The following FGF12 variants were observed in gnomAD, a reference collection of about 807,000 sequenced individuals.
FGF12 encodes the protein fibroblast growth factor 12B.
A neutral mutation model predicts 23.6 loss-of-function variants in FGF12; 14 were observed. The observed-to-expected ratio is 0.59, with a 90% CI of 0.39 to 0.93. FGF12 has a LOEUF of 0.93. Ranked by LOEUF, FGF12 falls within the 40% of genes least tolerant of loss-of-function variation. The probability of loss-of-function intolerance (pLI) is 0.00; values close to 1 mark genes in which losing one functional copy is unlikely to be tolerated. For synonymous variants in FGF12, 62 were observed against 77.3 expected, an observed-to-expected ratio of 0.80 and a Z score of 1.04; for missense variants, 175 against 217.8, an observed-to-expected ratio of 0.80 and a Z score of 1.24.
At chr3:192,696,958 G>A (rs903951142) in intron 2 of FGF12, among the ~76,000 whole-genome samples, 1 of 151,904 alleles carries the variant, frequency 6.6e-6, no homozygotes, top group Non-Finnish European at 1.5e-5. Context: ...ATAAAAACAG[G>A]TGCTTTCTAT....
intron 2 of FGF12, among the ~76,000 whole-genome samples, chr3:192,547,955 A>G (rs887614155): frequency 1.3e-4 from 20 of 152,298 alleles, no homozygotes; most frequent in African/African-American, 4.6e-4. Flanking sequence ...AGGCCTCTGT[A>G]CATTCAGAAT....
intron 4 of FGF12, among the ~76,000 whole-genome samples, chr3:192,180,174 T>C (rs1487120685): frequency 6.6e-6 from 1 of 151,638 alleles, no homozygotes; most frequent in Non-Finnish European, 1.5e-5. Context: ...AGATAAGTGA[T>C]GTGGTAATTT....
At chr3:192,168,265 G>A (rs1229948969) in intron 5 of FGF12, among the ~76,000 whole-genome samples, 2 of 152,072 alleles carry the variant, frequency 1.3e-5, no homozygotes, top group Non-Finnish European at 2.9e-5. Context: ...ATAATTAAGA[G>A]CATAATTCAT....
chr3:192,496,079 C>T (rs1723947091), intron 2 of FGF12, among the ~76,000 whole-genome samples: 1 of 152,152 alleles, frequency 6.6e-6, no homozygotes, highest in South Asian at 2.1e-4. Context: ...CACATGGACT[C>T]CAAAAACCAT....
chr3:192,305,709 T>A (rs1003040024), intron 4 of FGF12, among the ~76,000 whole-genome samples: 2 of 144,578 alleles, frequency 1.4e-5, no homozygotes, highest in Non-Finnish European at 1.5e-5. Flanking sequence ...TATATATAAA[T>A]CCTATGAAAA....
intron 4 of FGF12, among the ~76,000 whole-genome samples, chr3:192,279,049 T>C (rs974114883): frequency 1.3e-5 from 2 of 152,032 alleles, no homozygotes; most frequent in African/African-American, 4.8e-5. Flanking sequence ...TTATATTATA[T>C]TGAGCTGGGA....
At chr3:192,602,534 C>T (rs1306483037) in intron 2 of FGF12, among the ~76,000 whole-genome samples, 1 of 152,088 alleles carries the variant, frequency 6.6e-6, no homozygotes, top group Non-Finnish European at 1.5e-5. Context: ...TGAATTAACG[C>T]TGATAAGAAG....
At chr3:192,364,017 G>A (rs1301984700) in intron 2 of FGF12, among the ~76,000 whole-genome samples, 1 of 152,192 alleles carries the variant, frequency 6.6e-6, no homozygotes, top group African/African-American at 2.4e-5. Context: ...ATGTCACCAA[G>A]GAGCAAGGGA....
At chr3:192,346,677 C>T (rs988856358) in intron 3 of FGF12, among the ~76,000 whole-genome samples, 1 of 152,142 alleles carries the variant, frequency 6.6e-6, no homozygotes, top group Admixed American at 6.6e-5. Flanking sequence ...ATGCATATGG[C>T]AGGCATATGT....
intron 4 of FGF12, among the ~76,000 whole-genome samples, chr3:192,288,757 T>C (rs1168228080): frequency 6.6e-6 from 1 of 152,168 alleles, no homozygotes; most frequent in Admixed American, 6.6e-5. Context: ...TAGTTTGTGC[T>C]GGTTACCAAG....
chr3:192,717,377 A>G (rs1718897659), intron 2 of FGF12, among the ~76,000 whole-genome samples: 1 of 152,314 alleles, frequency 6.6e-6, no homozygotes, highest in South Asian at 2.1e-4. Context: ...ATGAGGCTTA[A>G]GTGAGTCAAT....
chr3:192,143,658 A>G lies in FGF12; in HGVS notation c.*351T>C, dbSNP rs1713533185. The G allele has an allele frequency of 1.1e-5, 2 of 174,588 alleles. No homozygotes were observed. The highest frequency in any genetic ancestry group is 1.2e-4 in the Admixed American group (2 of 16,144). The allele number at this position is 174,588 out of a possible 1,614,324, so 10.8% of individuals were successfully genotyped here. A position where few individuals can be genotyped will look rare whatever the true frequency, so the allele number is the denominator to read the frequency against. On this transcript the variant is annotated 3_prime_UTR_variant, in exon 6 of 6. Coordinates refer to ENST00000445105, the MANE Select transcript of FGF12 (RefSeq NM_004113.6). The stretch of plus-strand genomic sequence containing the variant: ...TTCAATTCTCCAAATCCTTTCCTTT[A>G]AAGTAATAAGTTTATTTCATCTTTA...
chr3:192,272,486 T>G (rs1713510206), intron 4 of FGF12, among the ~76,000 whole-genome samples: 1 of 152,136 alleles, frequency 6.6e-6, no homozygotes, highest in Admixed American at 6.6e-5. Flanking sequence ...GGGGCACAGT[T>G]GAACCTAATT....
At chr3:192,412,367 C>A (rs1721225173) in intron 2 of FGF12, among the ~76,000 whole-genome samples, 1 of 152,184 alleles carries the variant, frequency 6.6e-6, no homozygotes, top group African/African-American at 2.4e-5. Context: ...GATGAAAAGG[C>A]AGGTAGCTGT....
At chr3:192,274,240 A>T (rs1292380101) in intron 4 of FGF12, among the ~76,000 whole-genome samples, 2 of 152,220 alleles carry the variant, frequency 1.3e-5, no homozygotes, top group Non-Finnish European at 2.9e-5. Flanking sequence ...CAGAGTAAAA[A>T]TTCCACCAAT....
chr3:192,364,255 C>A (rs888729584), intron 2 of FGF12, among the ~76,000 whole-genome samples: 3 of 152,176 alleles, frequency 2.0e-5, no homozygotes, highest in African/African-American at 7.2e-5. Flanking sequence ...GACACTAAGA[C>A]AAATAGGGTC....
intron 2 of FGF12, among the ~76,000 whole-genome samples, chr3:192,680,160 G>GAT (rs1391496631): frequency 2.0e-5 from 3 of 152,174 alleles, no homozygotes; most frequent in Non-Finnish European, 4.4e-5. Flanking sequence ...GTCAGAAATA[G>GAT]ATACTGTCAA....
At position 192,336,211 on chromosome 3, in the gene FGF12, T is replaced by C. The variant is rs1319565930; in HGVS notation, c.125-747A>G. ...ATATATATGCACACACACACACATA[T>C]ACTCAAAACCATTAAGAATTAATTT... On this transcript the variant is annotated intron_variant, in intron 3 of 5. Transcript: ENST00000445105. This position sits in a 1 kb window ranked among gnomAD's most constrained non-coding sequence, Gnocchi z 4.3. Among the ~76,000 whole-genome samples the C allele has an allele frequency of 6.6e-6, 1 of 151,232 alleles. No individual in the cohort carries two copies. Among genetic ancestry groups the C allele is most frequent in the East Asian group, 1.9e-4 (1 of 5,160 alleles).
rs568214803 is a variant in FGF12, at chr3:192,376,300, C to G, written c.14-15762G>C. On this transcript the variant is annotated intron_variant, in intron 2 of 5. Transcript: ENST00000445105. ...ATTTTTGAACACACACATAAACTTT[C>G]TTTCTTACTATTGTCATTGCTATAT... 4.7e-4 allele frequency among the ~76,000 whole-genome samples: 71 copies of G among 151,486 alleles called. 1 individual carries two copies. The highest frequency in any genetic ancestry group is 7.2e-4 in the Admixed American group (11 of 15,228).
Sources: allele counts gnomAD v4.1 joint callset (sites outside exome capture counted in the v4.1 genomes callset), GRCh38; gene constraint gnomAD v4.1.1; non-coding constraint Gnocchi (gnomAD v3.1); transcripts MANE v1.5; gene names NCBI Gene and HGNC (gene_info 2026-07-23, HGNC 2026-07-21).